EPHA6: variants seen among roughly 807,000 people sequenced by gnomAD.
EPHA6 encodes ephrin type-A receptor 6.
Under a neutral mutation model 112.0 loss-of-function variants are expected in EPHA6, and 50 were observed. That is an observed-to-expected ratio of 0.45 (90% CI 0.36 to 0.56). EPHA6 has a LOEUF of 0.56. EPHA6 is among the 20% of genes least tolerant of loss of function. The probability of loss-of-function intolerance (pLI) is 0.00; values close to 1 mark genes in which losing one functional copy is unlikely to be tolerated. For missense variants in EPHA6, 1,280 were observed against 1,417.4 expected (o/e 0.90, Z 1.56); for synonymous variants, 529 against 490.7 (o/e 1.08, Z -1.03).
chr3:97,040,657 T>G (rs1177197228), intron 3 of EPHA6, among the ~76,000 whole-genome samples: 1 of 152,104 alleles, frequency 6.6e-6, no homozygotes, highest in South Asian at 2.1e-4. Flanking sequence ...AGCATTCATA[T>G]TCTCCCTAGA....
At chr3:97,396,772 T>C (rs1220431967) in intron 5 of EPHA6, among the ~76,000 whole-genome samples, 1 of 151,736 alleles carries the variant, frequency 6.6e-6, no homozygotes, top group East Asian at 1.9e-4. Context: ...TGAAGTAAGA[T>C]AAATATACAT....
rs537692994 is a variant in EPHA6 at position 97,527,102 on chromosome 3, C to T, written c.2201-5256C>T. On this transcript the variant is annotated intron_variant, in intron 10 of 17. Transcript: ENST00000389672. ...TGTTACAGGATAGCTTTTGGGTTCA[C>T]GGACAAAACTGATGGCAAGAAGCAG... Among the ~76,000 whole-genome samples the T allele has an allele frequency of 2.8e-4, 43 of 152,144 alleles. No homozygotes were observed. In the South Asian group the frequency reaches 6.9e-3, roughly 24 times the overall value.
chr3:97,608,170 C>A (rs1484601766), intron 12 of EPHA6, among the ~76,000 whole-genome samples: 1 of 150,920 alleles, frequency 6.6e-6, no homozygotes, highest in Non-Finnish European at 1.5e-5. Context: ...ATTAAGAGTT[C>A]AAATGTGAAA....
At chr3:97,729,435 G>C (rs1182020507) in intron 15 of EPHA6, among the ~76,000 whole-genome samples, 1 of 152,082 alleles carries the variant, frequency 6.6e-6, no homozygotes, top group Non-Finnish European at 1.5e-5. Context: ...GTCTTACGTG[G>C]TGGCAGGCAA....
chr3:97,560,331 C>T (rs1455381420), intron 11 of EPHA6: 1 of 151,928 alleles, frequency 6.6e-6, no homozygotes, highest in East Asian at 1.9e-4. Context: ...AATATAAGAA[C>T]AGTATGGGTT....
At chr3:97,404,816 A>G (rs1040823103) in intron 5 of EPHA6, among the ~76,000 whole-genome samples, 4 of 152,168 alleles carry the variant, frequency 2.6e-5, no homozygotes, top group Admixed American at 1.3e-4. Flanking sequence ...AAAACATACG[A>G]GCCAAGTGTA....
chr3:96,847,404 C>T (rs1218640672), intron 1 of EPHA6, among the ~76,000 whole-genome samples: 5 of 151,142 alleles, frequency 3.3e-5, no homozygotes, highest in Non-Finnish European at 7.4e-5. Context: ...TTTTTCTATT[C>T]CAAAATGGTA....
At chr3:97,074,708 A>T (rs1379179673) in intron 3 of EPHA6, among the ~76,000 whole-genome samples, 1 of 152,080 alleles carries the variant, frequency 6.6e-6, no homozygotes, top group East Asian at 1.9e-4. Context: ...CACCATTAAG[A>T]AACAGAGATT....
chr3:97,243,707 A>G (rs2078911602), intron 4 of EPHA6, among the ~76,000 whole-genome samples: 1 of 151,738 alleles, frequency 6.6e-6, no homozygotes, highest in South Asian at 2.1e-4. Flanking sequence ...AGATATCCTG[A>G]TTTTTATATT....
chr3:96,934,569 C>T (rs1016131714), intron 2 of EPHA6, among the ~76,000 whole-genome samples: 1 of 151,296 alleles, frequency 6.6e-6, no homozygotes, highest in African/African-American at 2.4e-5. Context: ...TTGTGTTAAA[C>T]TACCTATTGA....
chr3:97,000,318 C>T (rs536726075), intron 3 of EPHA6, among the ~76,000 whole-genome samples: 9 of 118,182 alleles, frequency 7.6e-5, no homozygotes, highest in African/African-American at 2.2e-4. Flanking sequence ...TATAGCCACT[C>T]ATATATAGCC....
chr3:97,232,284 C>G (rs2078551827), intron 4 of EPHA6, among the ~76,000 whole-genome samples: 1 of 152,146 alleles, frequency 6.6e-6, no homozygotes. Flanking sequence ...AAAACAGTAG[C>G]TTGCACATAA....
intron 3 of EPHA6, among the ~76,000 whole-genome samples, chr3:97,146,023 T>A (rs1185091090): frequency 6.6e-6 from 1 of 151,734 alleles, no homozygotes; most frequent in Non-Finnish European, 1.5e-5. Flanking sequence ...ACTGCCATAT[T>A]TTTATTTGAA....
intron 5 of EPHA6, among the ~76,000 whole-genome samples, chr3:97,332,921 T>G (rs575252001): frequency 1.8e-4 from 27 of 152,250 alleles, no homozygotes; most frequent in Non-Finnish European, 2.9e-4. Flanking sequence ...TCTTTTTTTT[T>G]GTCAAGATTT....
intron 10 of EPHA6, among the ~76,000 whole-genome samples, chr3:97,526,125 A>G (rs1352297012): frequency 1.3e-5 from 2 of 152,168 alleles, no homozygotes; most frequent in Non-Finnish European, 2.9e-5. Flanking sequence ...TTCAGACTGC[A>G]GTTTAAAAAG....
intron 3 of EPHA6, among the ~76,000 whole-genome samples, chr3:97,091,676 T>C (rs540289420): frequency 6.6e-6 from 1 of 152,108 alleles, no homozygotes; most frequent in Non-Finnish European, 1.5e-5. Flanking sequence ...TTTGTGGTGA[T>C]TAAAGGGAGA....
At chr3:97,071,495 A>G (rs746857811) in intron 3 of EPHA6, among the ~76,000 whole-genome samples, 15 of 152,042 alleles carry the variant, frequency 9.9e-5, no homozygotes, top group Non-Finnish European at 1.3e-4. Context: ...GGTGAAAGGC[A>G]CTTCTTACAT....
At chr3:96,994,314 A>G (rs1443161256) in intron 3 of EPHA6, 6 of 270,784 alleles carry the variant, frequency 2.2e-5, no homozygotes, top group Non-Finnish European at 4.6e-5. Flanking sequence ...ATAGATTCAT[A>G]ATTAAGACTG....
intron 6 of EPHA6, among the ~76,000 whole-genome samples, chr3:97,432,052 T>A (rs902851870): frequency 6.6e-6 from 1 of 152,124 alleles, no homozygotes; most frequent in Non-Finnish European, 1.5e-5. Context: ...AGACTCAAGT[T>A]ACTGGCTATA....
Sources: gnomAD v4.1 joint callset for allele counts (sites outside exome capture counted in the v4.1 genomes callset) on GRCh38, gnomAD v4.1.1 for gene constraint, MANE v1.5 for transcripts, NCBI Gene and HGNC (gene_info 2026-07-23, HGNC 2026-07-21) for gene names.